The following GPHN variants were observed in gnomAD, a reference collection of about 807,000 sequenced individuals.
GPHN encodes the protein gephyrin.
Under a neutral mutation model 95.5 loss-of-function variants are expected in GPHN, and 17 were observed. That is an observed-to-expected ratio of 0.18 (90% CI 0.12 to 0.27). The LOEUF is 0.27. GPHN is among the 10% of genes least tolerant of loss of function. The pLI, the probability that GPHN is intolerant of heterozygous loss-of-function variation, is 1.00. For synonymous variants in GPHN, 320 were observed against 322.5 expected (o/e 0.99, Z 0.08); for missense variants, 660 against 978.1 (o/e 0.67, Z 4.34).
At chr14:67,306,513 TTGTG>T in the GPHN span, among the ~76,000 whole-genome samples, 22,566 of 147,414 alleles carry the variant, frequency 0.15, 3,151 homozygotes, top group East Asian at 0.37. Context: ...CTGGCTGAAT[TTGTG>T]TGTGTGTGTG....
At chr14:67,414,870 A>T in the GPHN span, among the ~76,000 whole-genome samples, 2 of 152,258 alleles carry the variant, frequency 1.3e-5, no homozygotes, top group Non-Finnish European at 2.9e-5. Context: ...TTTATAAATG[A>T]GGACCCTCAA....
the GPHN span, among the ~76,000 whole-genome samples, chr14:67,644,833 C>T: frequency 6.6e-6 from 1 of 151,960 alleles, no homozygotes; most frequent in African/African-American, 2.4e-5. Context: ...CCCATCTTTA[C>T]TAAAAATACA....
chr14:66,635,208 G>T (rs1435346841), intron 1 of GPHN, among the ~76,000 whole-genome samples: 4 of 152,126 alleles, frequency 2.6e-5, no homozygotes, highest in African/African-American at 9.7e-5. Flanking sequence ...ATTGGTAGCT[G>T]CAGTTTTCTT....
the GPHN span, chr14:67,335,081 G>A: frequency 6.6e-6 from 1 of 152,190 alleles, no homozygotes; most frequent in Admixed American, 6.5e-5. Context: ...CTTGTATCAA[G>A]GCAGAGGTGA....
chr14:67,106,764 T>C, intron 13 of GPHN, among the ~76,000 whole-genome samples: 1 of 152,246 alleles, frequency 6.6e-6, no homozygotes, highest in East Asian at 1.9e-4. Flanking sequence ...GTTTTTGTTT[T>C]ATCTAATTGA....
At chr14:66,520,919 T>G (rs1017690137) in intron 1 of GPHN, among the ~76,000 whole-genome samples, 1 of 152,042 alleles carries the variant, frequency 6.6e-6, no homozygotes, top group African/African-American at 2.4e-5. Flanking sequence ...CCATGAGTTC[T>G]TTTAGCCCCC....
intron 1 of GPHN, among the ~76,000 whole-genome samples, chr14:66,632,421 T>C (rs17836552): frequency 0.31 from 47,742 of 151,946 alleles, 11,524 homozygotes; most frequent in African/African-American, 0.65. Context: ...GCAGATTTGC[T>C]GTACATTAAT....
chr14:67,446,410 C>A, the GPHN span, among the ~76,000 whole-genome samples: 1 of 152,156 alleles, frequency 6.6e-6, no homozygotes, highest in Non-Finnish European at 1.5e-5. Flanking sequence ...AGCCAACAGC[C>A]TCCAAATTAC....
chr14:67,400,301 G>T, the GPHN span, among the ~76,000 whole-genome samples: 8 of 152,208 alleles, frequency 5.3e-5, no homozygotes. Context: ...TTCCATGAGA[G>T]GGTTCATGCA....
At chr14:67,580,946 T>C in the GPHN span, 1 of 1,610,122 alleles carries the variant, frequency 6.2e-7, no homozygotes, top group Non-Finnish European at 8.5e-7. Flanking sequence ...AGATCTGTGA[T>C]GCCATCTCCA....
At chr14:66,939,641 C>T (rs539196568) in intron 8 of GPHN, among the ~76,000 whole-genome samples, 10 of 152,246 alleles carry the variant, frequency 6.6e-5, no homozygotes, top group East Asian at 3.9e-4. Context: ...CCATCCTCCC[C>T]GTGCCAGTCA....
At chr14:67,570,090 G>T in the GPHN span, 1 of 1,016,306 alleles carries the variant, frequency 9.8e-7, no homozygotes, top group Admixed American at 2.0e-5. Flanking sequence ...CTGGGGCGGG[G>T]CTCTAGGGCC....
the GPHN span, among the ~76,000 whole-genome samples, chr14:67,554,574 C>T: frequency 1.6e-3 from 237 of 152,286 alleles, no homozygotes; most frequent in African/African-American, 5.6e-3. Flanking sequence ...GACATGAGAG[C>T]GGGATGCATG....
chr14:67,089,339 A>G (rs2077056705), intron 12 of GPHN, among the ~76,000 whole-genome samples: 1 of 151,726 alleles, frequency 6.6e-6, no homozygotes, highest in South Asian at 2.1e-4. Flanking sequence ...TAAATTTTTT[A>G]TTTTTAATAT....
chr14:67,584,152 C>T, the GPHN span: 1 of 1,608,622 alleles, frequency 6.2e-7, no homozygotes, highest in Admixed American at 1.7e-5. Flanking sequence ...GAGCTGCCCA[C>T]ACCCTTAGGT....
In GPHN at chr14:66,681,317, C is replaced by G. The variant is rs2153395616; in HGVS notation, c.143+132C>G. ...TTCTTTTCTAATAATGCGTTTTACA[C>G]ATATTGAAGTCTGACAGAACAGTTC... On this transcript the variant is annotated intron_variant, in intron 2 of 22. Transcript: ENST00000478722. 4 of 653,010 alleles carry G rather than the reference C, an allele frequency of 6.1e-6. No individual in the cohort carries two copies. In the East Asian group the frequency reaches 1.1e-4, roughly 18 times the overall value. 40.5% of individuals were successfully genotyped at this position (653,010 alleles called of 1,614,324 possible). A position where few individuals can be genotyped will look rare whatever the true frequency, so the allele number is the denominator to read the frequency against.
At chr14:67,198,292 C>T in the GPHN span, 1 of 1,613,756 alleles carries the variant, frequency 6.2e-7, no homozygotes, top group Non-Finnish European at 8.5e-7. Context: ...TTTGTATCTC[C>T]TCCCATGTTA....
the GPHN span, chr14:67,600,095 A>G: frequency 6.3e-7 from 1 of 1,596,268 alleles, no homozygotes; most frequent in Non-Finnish European, 8.5e-7. Context: ...GAACGCAGCG[A>G]GAGCCGAGGG....
the GPHN span, among the ~76,000 whole-genome samples, chr14:67,235,587 C>A: frequency 6.6e-6 from 1 of 152,102 alleles, no homozygotes; most frequent in African/African-American, 2.4e-5. Flanking sequence ...TGGTGGCAGG[C>A]ACCTGTAGTC....
Sources: gnomAD v4.1 joint callset for allele counts (sites outside exome capture counted in the v4.1 genomes callset) on GRCh38, gnomAD v4.1.1 for gene constraint, MANE v1.5 for transcripts, NCBI Gene and HGNC (gene_info 2026-07-23, HGNC 2026-07-21) for gene names.